The following RAPGEF5 variants were observed in gnomAD, a reference collection of about 807,000 sequenced individuals.
RAPGEF5 encodes Rap guanine nucleotide exchange factor 5.
In RAPGEF5, 65 loss-of-function variants were observed where a neutral mutation model predicts 125.2. The ratio of observed to expected loss-of-function variants is 0.52; its 90% CI spans 0.43 to 0.64. RAPGEF5 has a LOEUF of 0.64. Among genes scored for constraint, RAPGEF5 ranks in the 30% least tolerant of loss-of-function variants. The probability of loss-of-function intolerance (pLI) is 0.00; values close to 1 mark genes in which losing one functional copy is unlikely to be tolerated. For missense variants in RAPGEF5, 958 were observed against 1,048.1 expected, an observed-to-expected ratio of 0.91 and a Z score of 1.19; for synonymous variants, 391 against 385.9, an observed-to-expected ratio of 1.01 and a Z score of -0.16.
At chr7:22,204,167 G>T (rs938700928) in intron 9 of RAPGEF5, among the ~76,000 whole-genome samples, 1 of 152,130 alleles carries the variant, frequency 6.6e-6, no homozygotes, top group African/African-American at 2.4e-5. Context: ...AGCCCTGACT[G>T]GTTCCTATGG....
intron 5 of RAPGEF5, among the ~76,000 whole-genome samples, chr7:22,306,922 C>T (rs1313074706): frequency 6.6e-6 from 1 of 152,064 alleles, no homozygotes; most frequent in African/African-American, 2.4e-5. Context: ...TGTCTGTTTT[C>T]ATGCAATTAC....
At chr7:22,355,968 T>C (rs1784412954) in intron 1 of RAPGEF5, 1 of 985,192 alleles carries the variant, frequency 1.0e-6, no homozygotes, top group Non-Finnish European at 1.2e-6. Flanking sequence ...AAAAGATGAG[T>C]AGAACCCACC....
At chr7:22,189,979 A>G (rs1723915436) in intron 11 of RAPGEF5, among the ~76,000 whole-genome samples, 1 of 152,118 alleles carries the variant, frequency 6.6e-6, no homozygotes, top group Non-Finnish European at 1.5e-5. Context: ...TCTTCTCTTT[A>G]AAAGTTTAGG....
chr7:22,263,836 G>T (rs1045114400), intron 7 of RAPGEF5, among the ~76,000 whole-genome samples: 8 of 151,890 alleles, frequency 5.3e-5, no homozygotes, highest in Non-Finnish European at 8.8e-5. Flanking sequence ...AAAATGTTTG[G>T]AAATAAAATG....
intron 7 of RAPGEF5, among the ~76,000 whole-genome samples, chr7:22,252,711 T>C (rs890031262): frequency 2.6e-5 from 4 of 152,222 alleles, no homozygotes; most frequent in African/African-American, 7.2e-5. Context: ...TTCGACTTAA[T>C]AGCTCTAATT....
intron 5 of RAPGEF5, among the ~76,000 whole-genome samples, chr7:22,305,932 G>A (rs887665950): frequency 3.3e-5 from 5 of 152,016 alleles, no homozygotes; most frequent in Non-Finnish European, 5.9e-5. Context: ...TATGTACCAC[G>A]TTTTCTTTAT....
intron 11 of RAPGEF5, among the ~76,000 whole-genome samples, chr7:22,188,591 C>G (rs1338385755): frequency 6.6e-6 from 1 of 151,786 alleles, no homozygotes; most frequent in Non-Finnish European, 1.5e-5. Flanking sequence ...ATGGTGAAAC[C>G]CTGTCTCTAC....
chr7:22,321,141 T>C (rs558448816), intron 1 of RAPGEF5, among the ~76,000 whole-genome samples: 10 of 152,346 alleles, frequency 6.6e-5, no homozygotes, highest in Non-Finnish European at 1.5e-4. Context: ...ATTTCTCCTT[T>C]CCATTTTAAT....
At chr7:22,127,885 C>G (rs967473763) in intron 24 of RAPGEF5, among the ~76,000 whole-genome samples, 9 of 152,212 alleles carry the variant, frequency 5.9e-5, no homozygotes, top group Admixed American at 3.3e-4. Flanking sequence ...TTCTAATGCA[C>G]TTCTATTCGA....
intron 1 of RAPGEF5, among the ~76,000 whole-genome samples, chr7:22,348,118 A>T (rs1784259858): frequency 6.6e-6 from 1 of 152,220 alleles, no homozygotes; most frequent in East Asian, 1.9e-4. Context: ...CTTGTGGCAC[A>T]GGCTTCAGAA....
chr7:22,329,428 T>C (rs1478118256), intron 1 of RAPGEF5, among the ~76,000 whole-genome samples: 1 of 152,212 alleles, frequency 6.6e-6, no homozygotes, highest in Non-Finnish European at 1.5e-5. Flanking sequence ...TGCTAGGGTA[T>C]GTTTACTACT....
intron 17 of RAPGEF5, among the ~76,000 whole-genome samples, chr7:22,152,505 T>C (rs1783660077): frequency 6.6e-6 from 1 of 152,226 alleles, no homozygotes; most frequent in East Asian, 1.9e-4. Flanking sequence ...AGATTAAAAC[T>C]GATAGAATTT....
At chr7:22,215,152 C>T (rs1785606055) in intron 9 of RAPGEF5, among the ~76,000 whole-genome samples, 2 of 152,094 alleles carry the variant, frequency 1.3e-5, no homozygotes, top group South Asian at 2.1e-4. Flanking sequence ...ACAGTCTGGT[C>T]CCAATCTCAT....
At chr7:22,153,169 G>A (rs867766541) in intron 17 of RAPGEF5, among the ~76,000 whole-genome samples, 13 of 152,158 alleles carry the variant, frequency 8.5e-5, no homozygotes, top group African/African-American at 3.1e-4. Flanking sequence ...GGCACCTTCT[G>A]TCTGAATGGG....
At chr7:22,163,934 C>T (rs535315796) in intron 12 of RAPGEF5, among the ~76,000 whole-genome samples, 3 of 152,268 alleles carry the variant, frequency 2.0e-5, no homozygotes, top group African/African-American at 4.8e-5. Flanking sequence ...TGCAAAAATA[C>T]ATTAAGACCA....
intron 7 of RAPGEF5, among the ~76,000 whole-genome samples, chr7:22,256,603 G>C (rs978910928): frequency 6.6e-6 from 1 of 152,114 alleles, no homozygotes; most frequent in South Asian, 2.1e-4. Flanking sequence ...ACTAGCTATG[G>C]GCTAAGGACA....
chr7:22,222,351 G>A (rs1043580091), intron 8 of RAPGEF5, among the ~76,000 whole-genome samples: 21 of 152,238 alleles, frequency 1.4e-4, no homozygotes, highest in African/African-American at 4.6e-4. Context: ...ATGAAGCAGG[G>A]TAAGGGGACA....
chr7:22,154,727 T>C (rs994020260), intron 16 of RAPGEF5, 123 bp from the exon 17 acceptor site: 1 of 1,042,378 alleles, frequency 9.6e-7, no homozygotes, highest in Non-Finnish European at 1.4e-6. Context: ...CTCTTCAGTA[T>C]AACACATACA....
intron 11 of RAPGEF5, among the ~76,000 whole-genome samples, chr7:22,169,643 C>T (rs541638467): frequency 1.3e-5 from 2 of 149,496 alleles, no homozygotes; most frequent in African/African-American, 4.9e-5. Context: ...TTGCTTGAGG[C>T]CAGGAGCTAG....
Sources: gnomAD v4.1 joint callset for allele counts (sites outside exome capture counted in the v4.1 genomes callset) on GRCh38, gnomAD v4.1.1 for gene constraint, MANE v1.5 for transcripts, NCBI Gene and HGNC (gene_info 2026-07-23, HGNC 2026-07-21) for gene names.